The following NXPE4 variants were observed in gnomAD, a reference collection of about 807,000 sequenced individuals.
NXPE4 encodes the protein NXPE family member 4.
In NXPE4, 42 loss-of-function variants were observed where a neutral mutation model predicts 33.3. The observed-to-expected ratio is 1.26, with a 90% confidence interval of 0.98 to 1.63. NXPE4 has a LOEUF of 1.63. NXPE4 is among the 40% of genes most tolerant of loss of function. The probability of loss-of-function intolerance (pLI) is 0.00; values close to 1 mark genes in which losing one functional copy is unlikely to be tolerated. For synonymous variants in NXPE4, 253 were observed against 234.9 expected (o/e 1.08, Z -0.71); for missense variants, 709 against 647.6 (o/e 1.09, Z -1.03).
chr11:114,632,919 A>G, the NXPE4 span, among the ~76,000 whole-genome samples: 14 of 92,738 alleles, frequency 1.5e-4, no homozygotes, highest in East Asian at 3.0e-3. Context: ...ATTATATTTT[A>G]TATAATTATA....
At chr11:114,602,052 TTATA>T in the NXPE4 span, among the ~76,000 whole-genome samples, 2 of 94,236 alleles carry the variant, frequency 2.1e-5, no homozygotes, top group Non-Finnish European at 3.6e-5. Context: ...ATATATTATA[TTATA>T]TATATTATAA....
chr11:114,613,414 A>G, the NXPE4 span, among the ~76,000 whole-genome samples: 1 of 151,806 alleles, frequency 6.6e-6, no homozygotes, highest in Non-Finnish European at 1.5e-5. Flanking sequence ...AAGCACTGTT[A>G]CCTGGTGGAT....
intron 1 of NXPE4, 141 bp from the exon 2 acceptor site, chr11:114,594,910 C>T (rs1949545917): frequency 1.8e-6 from 1 of 560,940 alleles, no homozygotes; most frequent in South Asian, 2.0e-5. Flanking sequence ...TAAACCTTCA[C>T]CCCCGCAAGC....
chr11:114,612,975 C>T, the NXPE4 span, among the ~76,000 whole-genome samples: 8 of 150,052 alleles, frequency 5.3e-5, no homozygotes, highest in South Asian at 6.4e-4. Context: ...TGTTGCCTTG[C>T]GAGTAACCAC....
the NXPE4 span, among the ~76,000 whole-genome samples, chr11:114,635,598 G>T: frequency 6.6e-6 from 1 of 151,792 alleles, no homozygotes; most frequent in African/African-American, 2.4e-5. Context: ...ATTGGCTGTG[G>T]GTTTGTCATA....
chr11:114,640,364 T>C, the NXPE4 span, among the ~76,000 whole-genome samples: 1 of 150,046 alleles, frequency 6.7e-6, no homozygotes, highest in African/African-American at 2.4e-5. Context: ...ATATATATGC[T>C]ACTGTTTCTT....
upstream of NXPE4, among the ~76,000 whole-genome samples, chr11:114,598,838 T>C (rs1591361012): frequency 6.6e-6 from 1 of 151,346 alleles, no homozygotes; most frequent in African/African-American, 2.4e-5. Flanking sequence ...CTTTGAGGCC[T>C]TCTCCCCATT....
the NXPE4 span, among the ~76,000 whole-genome samples, chr11:114,601,797 TG>T: frequency 3.5e-3 from 242 of 68,410 alleles, 11 homozygotes; most frequent in African/African-American, 0.017. Context: ...ATGTGATATA[TG>T]ATTATATATT....
At chr11:114,640,223 A>G in the NXPE4 span, among the ~76,000 whole-genome samples, 1 of 140,772 alleles carries the variant, frequency 7.1e-6, no homozygotes, top group African/African-American at 2.6e-5. Flanking sequence ...AATGTAATTT[A>G]TATATATAAA....
chr11:114,631,810 G>A, the NXPE4 span, among the ~76,000 whole-genome samples: 20 of 151,202 alleles, frequency 1.3e-4, no homozygotes, highest in Admixed American at 1.3e-3. Flanking sequence ...TGGATAATAA[G>A]TATTGCCTCA....
chr11:114,621,793 G>A, the NXPE4 span, among the ~76,000 whole-genome samples: 1 of 151,970 alleles, frequency 6.6e-6, no homozygotes, highest in Non-Finnish European at 1.5e-5. Flanking sequence ...TTACCCACTG[G>A]ATAATAATTA....
chr11:114,659,697 A>G, the NXPE4 span, among the ~76,000 whole-genome samples: 2 of 152,168 alleles, frequency 1.3e-5, no homozygotes, highest in South Asian at 2.1e-4. Context: ...AAGTTGTAAC[A>G]TTAAATACAT....
chr11:114,614,993 C>T, the NXPE4 span, among the ~76,000 whole-genome samples: 816 of 150,136 alleles, frequency 5.4e-3, 3 homozygotes, highest in Non-Finnish European at 7.6e-3. Context: ...ACCACTGTTA[C>T]CCGGTTTATA....
At chr11:114,667,451 T>G in the NXPE4 span, among the ~76,000 whole-genome samples, 3 of 152,064 alleles carry the variant, frequency 2.0e-5, no homozygotes, top group African/African-American at 4.8e-5. Flanking sequence ...TGTCCATAAA[T>G]TCTTTGATAC....
chr11:114,634,662 A>G, the NXPE4 span, among the ~76,000 whole-genome samples: 1 of 152,062 alleles, frequency 6.6e-6, no homozygotes, highest in Non-Finnish European at 1.5e-5. Context: ...GAAGGGATCC[A>G]GTTTCAGCTT....
At chr11:114,658,032 C>T in the NXPE4 span, among the ~76,000 whole-genome samples, 1 of 152,212 alleles carries the variant, frequency 6.6e-6, no homozygotes, top group Non-Finnish European at 1.5e-5. Flanking sequence ...AGGACCTTGT[C>T]TTCCTAACAT....
chr11:114,626,450 C>T, the NXPE4 span, among the ~76,000 whole-genome samples: 1 of 151,922 alleles, frequency 6.6e-6, no homozygotes, highest in East Asian at 1.9e-4. Flanking sequence ...CTCCAACAGA[C>T]CTGCAGCTGA....
chr11:114,659,644 A>G, the NXPE4 span, among the ~76,000 whole-genome samples: 7 of 152,184 alleles, frequency 4.6e-5, no homozygotes, highest in Non-Finnish European at 7.4e-5. Context: ...TGAAAATAAT[A>G]TATCAAAATA....
Position 114,582,598 on chromosome 11 carries a change from G to C in NXPE4, c.520C>G (p.Gln174Glu), listed in dbSNP as rs1260756978. Residue 174 changes from glutamine (Q) to glutamate (E), a missense_variant, in exon 3 of 6, where the codon CAG becomes GAG. Gln to Glu is a conservative substitution (Grantham distance 29). Coordinates refer to ENST00000375478, the MANE Select transcript of NXPE4 (RefSeq NM_001077639.2). ...LVSFTLFWEGQVSLSLLLIHP... is the reference protein window; with the variant it reads ...LVSFTLFWEGEVSLSLLLIHP... ...ATGAGCAGCAGAGACAGAGAGACCT[G>C]GCCCTCCCAGAACAGAGTGAAGCTG... The C allele has an allele frequency of 1.2e-6, 2 of 1,614,122 alleles. No homozygotes were observed. The highest frequency in any genetic ancestry group is 1.7e-5 in the Admixed American group (1 of 60,030).
Sources: gnomAD v4.1 joint callset for allele counts (sites outside exome capture counted in the v4.1 genomes callset) on GRCh38, gnomAD v4.1.1 for gene constraint, MANE v1.5 for transcripts, NCBI Gene and HGNC (gene_info 2026-07-23, HGNC 2026-07-21) for gene names.